KLF12: variants seen among roughly 807,000 people sequenced by gnomAD.
The protein encoded by KLF12 is KLF transcription factor 12, also known as Krueppel-like factor 12.
A neutral mutation model predicts 37.8 loss-of-function variants in KLF12; 9 were observed. That is an observed-to-expected ratio of 0.24 (90% confidence interval 0.14 to 0.42). The LOEUF (loss-of-function observed/expected upper bound fraction) is 0.42. Among genes scored for constraint, KLF12 ranks in the 10% least tolerant of loss-of-function variants. The pLI is 1.00. For synonymous variants in KLF12, 208 were observed against 202.1 expected (o/e 1.03, Z -0.25); for missense variants, 411 against 516.0 (o/e 0.80, Z 1.97).
intron 1 of KLF12, among the ~76,000 whole-genome samples, chr13:74,104,219 AC>A (rs1876525141): frequency 6.6e-6 from 1 of 152,186 alleles, no homozygotes; most frequent in Non-Finnish European, 1.5e-5. Flanking sequence ...TTATTTCTAG[AC>A]AGTTTTGAGT....
chr13:74,239,775 T>A, the KLF12 span, among the ~76,000 whole-genome samples: 2 of 152,100 alleles, frequency 1.3e-5, no homozygotes, highest in Admixed American at 1.3e-4. Flanking sequence ...CCTGCCTTTT[T>A]TTTTGCTTTC....
At chr13:73,990,349 T>C (rs1891933949) in intron 2 of KLF12, among the ~76,000 whole-genome samples, 1 of 152,080 alleles carries the variant, frequency 6.6e-6, no homozygotes, top group African/African-American at 2.4e-5. Context: ...TCCTGAACTT[T>C]CAGGTTTAAA....
chr13:74,193,884 C>T, the KLF12 span, among the ~76,000 whole-genome samples: 1 of 152,156 alleles, frequency 6.6e-6, no homozygotes, highest in African/African-American at 2.4e-5. Flanking sequence ...GTATTTGTAA[C>T]AGAAATGTAT....
the KLF12 span, among the ~76,000 whole-genome samples, chr13:74,153,976 C>T: frequency 6.6e-6 from 1 of 151,540 alleles, no homozygotes; most frequent in African/African-American, 2.4e-5. Flanking sequence ...GCCTGTAATC[C>T]CAGCACTTTT....
At chr13:73,700,713 G>A (rs765449240) in intron 7 of KLF12, among the ~76,000 whole-genome samples, 4 of 151,786 alleles carry the variant, frequency 2.6e-5, no homozygotes, top group Non-Finnish European at 5.9e-5. Flanking sequence ...CATTATATAC[G>A]CCCAGTGCCT....
At chr13:73,769,439 C>T (rs1880133671) in intron 5 of KLF12, among the ~76,000 whole-genome samples, 1 of 152,182 alleles carries the variant, frequency 6.6e-6, no homozygotes, top group Admixed American at 6.5e-5. Context: ...TCTGGCTTTC[C>T]TCCTTTCTTT....
Position 73,771,369 on chromosome 13 carries a change from C to T in KLF12, c.807-6369G>A, listed in dbSNP as rs548173682. 2.8e-4 allele frequency among the ~76,000 whole-genome samples: 43 copies of T among 152,316 alleles called. 1 individual carries two copies. In the South Asian group the frequency reaches 8.1e-3, roughly 29 times the overall value. ...TTATTGGCCTGATTTTCCTACTAAA[C>T]TACAACTTCCAGGATGGATGCAATG... On this transcript the variant is annotated intron_variant, in intron 5 of 7. Transcript: ENST00000377669.
chr13:73,958,019 T>A (rs2139445438), intron 2 of KLF12, among the ~76,000 whole-genome samples: 1 of 152,294 alleles, frequency 6.6e-6, no homozygotes, highest in East Asian at 1.9e-4. Flanking sequence ...TCACTTCTTT[T>A]CGCACATGCA....
chr13:74,045,997 T>A (rs561547318), intron 1 of KLF12, among the ~76,000 whole-genome samples: 16 of 152,350 alleles, frequency 1.1e-4, no homozygotes, highest in African/African-American at 3.6e-4. Context: ...TTTTGTTCCT[T>A]ATTTAGAAGC....
intron 5 of KLF12, among the ~76,000 whole-genome samples, chr13:73,799,587 TAA>T (rs1241737868): frequency 1.3e-5 from 2 of 152,228 alleles, no homozygotes; most frequent in Non-Finnish European, 2.9e-5. Flanking sequence ...ACTTGGATAA[TAA>T]GTCTCATAAA....
intron 5 of KLF12, among the ~76,000 whole-genome samples, chr13:73,805,648 G>A (rs1463288447): frequency 1.1e-4 from 5 of 44,236 alleles, no homozygotes; most frequent in Non-Finnish European, 2.2e-4. Flanking sequence ...GAGGGAGGGA[G>A]GGAGGAAGGA....
At chr13:74,185,638 G>A in the KLF12 span, among the ~76,000 whole-genome samples, 12 of 151,864 alleles carry the variant, frequency 7.9e-5, no homozygotes, top group Non-Finnish European at 1.6e-4. Context: ...TAATGACTTT[G>A]GTAAGACTTC....
intron 7 of KLF12, among the ~76,000 whole-genome samples, chr13:73,710,192 T>C (rs2137643123): frequency 6.6e-6 from 1 of 152,218 alleles, no homozygotes; most frequent in Non-Finnish European, 1.5e-5. Context: ...ACATACAACA[T>C]GGCATGTTTA....
intron 1 of KLF12, among the ~76,000 whole-genome samples, chr13:74,117,028 A>G (rs1877347779): frequency 6.6e-6 from 1 of 152,210 alleles, no homozygotes; most frequent in African/African-American, 2.4e-5. Flanking sequence ...AATTAGCCAA[A>G]ATAATGTAAT....
At chr13:74,252,900 A>G in the KLF12 span, among the ~76,000 whole-genome samples, 1 of 152,216 alleles carries the variant, frequency 6.6e-6, no homozygotes, top group Non-Finnish European at 1.5e-5. Flanking sequence ...AACTAGAAAT[A>G]TCCGGTCTAG....
chr13:74,098,527 C>T lies in KLF12; in HGVS notation c.-32+35212G>A, dbSNP rs572380950. Among the ~76,000 whole-genome samples, 6 of 152,294 alleles carry T rather than the reference C, an allele frequency of 3.9e-5. No homozygotes were observed. In the East Asian group the frequency reaches 1.2e-3, roughly 29 times the overall value. On this transcript the variant is annotated intron_variant, in intron 1 of 7. Transcript: ENST00000377669. ...CTAATGAAGGTCACTTTACCTTTATCTGTAGAAGATGATTTCTAAAGTTCT... is the reference window on the plus strand; with the variant it reads ...CTAATGAAGGTCACTTTACCTTTATTTGTAGAAGATGATTTCTAAAGTTCT...
chr13:74,074,329 G>A (rs117157314), intron 1 of KLF12, among the ~76,000 whole-genome samples: 182 of 152,320 alleles, frequency 1.2e-3, no homozygotes, highest in Non-Finnish European at 1.9e-3. Flanking sequence ...AAGACAGCAT[G>A]TGTCCTCTTG....
intron 6 of KLF12, among the ~76,000 whole-genome samples, chr13:73,725,369 G>T (rs1038619543): frequency 5.3e-5 from 8 of 152,076 alleles, no homozygotes; most frequent in Non-Finnish European, 8.8e-5. Context: ...CAAAGTGCTG[G>T]GATTACAGGC....
chr13:74,127,655 C>CTTTT lies in KLF12; in HGVS notation c.-32+6080_-32+6083dup, dbSNP rs1294705612. ...GGGTTTAAAAAAATTGTTTTTGTTT[C>CTTTT]TTTTTTAACTGGAGAAAATGCAGTT... On this transcript the variant is annotated intron_variant, in intron 1 of 7. Transcript: ENST00000377669. 3.9e-5 allele frequency among the ~76,000 whole-genome samples: 6 copies of CTTTT among 152,216 alleles called. No individual in the cohort carries two copies. The East Asian group carries it at 1.2e-3, about 29-fold the overall frequency.
Sources: allele counts gnomAD v4.1 joint callset (sites outside exome capture counted in the v4.1 genomes callset), GRCh38; gene constraint gnomAD v4.1.1; transcripts MANE v1.5; gene names NCBI Gene and HGNC (gene_info 2026-07-23, HGNC 2026-07-21).